The following MAP4 variants were observed in gnomAD, a reference collection of about 807,000 sequenced individuals.
MAP4 encodes microtubule associated protein 4.
In MAP4, 76 loss-of-function variants were observed where a neutral mutation model predicts 170.2. That is an observed-to-expected ratio of 0.45 (90% CI 0.37 to 0.54). MAP4 has a LOEUF of 0.54. Among genes scored for constraint, MAP4 ranks in the 20% least tolerant of loss-of-function variants. MAP4 has a pLI of 0.00. For synonymous variants in MAP4, 909 were observed against 994.5 expected (o/e 0.91, Z 1.62); for missense variants, 2,506 against 2,748.0 (o/e 0.91, Z 1.97).
chr3:47,988,240 T>G (rs1300020404), intron 2 of MAP4, among the ~76,000 whole-genome samples: 1 of 133,736 alleles, frequency 7.5e-6, no homozygotes, highest in African/African-American at 2.6e-5. Context: ...ATGAGATGGA[T>G]GTGAGATTCA....
At chr3:48,062,329 T>C (rs1200721801) in intron 1 of MAP4, among the ~76,000 whole-genome samples, 1 of 151,822 alleles carries the variant, frequency 6.6e-6, no homozygotes, top group Admixed American at 6.6e-5. Flanking sequence ...CACCACTCCC[T>C]AATCTCAAGT....
In MAP4 at chr3:47,866,809, TAAC is replaced by T. The variant is rs1425385203; in HGVS notation, c.6501+434_6501+436del. Among the ~76,000 whole-genome samples the T allele has an allele frequency of 2.0e-5, 3 of 152,228 alleles. No homozygotes were observed. The East Asian group carries it at 5.8e-4, about 29-fold the overall frequency. On this transcript the variant is annotated intron_variant, in intron 17 of 20. Coordinates refer to ENST00000683076, the MANE Select transcript of MAP4 (RefSeq NM_001385682.1). ...ATGTTGATTAATTCTTATTTTATAA[TAAC>T]AAGGATTCAAAGATGAGCTCTGGAA... is the stretch of plus-strand genomic sequence containing the variant.
chr3:47,935,769 T>G (rs2100052368), intron 3 of MAP4, among the ~76,000 whole-genome samples: 1 of 151,660 alleles, frequency 6.6e-6, no homozygotes, highest in Non-Finnish European at 1.5e-5. Context: ...AAACCCCATC[T>G]CTACTAAAAA....
At chr3:47,949,670 C>T (rs1050314099) in intron 3 of MAP4, among the ~76,000 whole-genome samples, 6 of 152,196 alleles carry the variant, frequency 3.9e-5, no homozygotes, top group Non-Finnish European at 8.8e-5. Context: ...CAATTTATTG[C>T]CTTTCAGTTC....
intron 1 of MAP4, among the ~76,000 whole-genome samples, chr3:48,074,786 C>T (rs2100143031): frequency 6.6e-6 from 1 of 150,486 alleles, no homozygotes; most frequent in African/African-American, 2.5e-5. Flanking sequence ...ACCTCAGCCT[C>T]CCAAAGTGCT....
At chr3:47,957,604 T>C (rs1248973752) in intron 3 of MAP4, among the ~76,000 whole-genome samples, 3 of 152,212 alleles carry the variant, frequency 2.0e-5, no homozygotes, top group East Asian at 3.8e-4. Context: ...TATGCCACCA[T>C]GCCAAGCCCA....
intron 1 of MAP4, among the ~76,000 whole-genome samples, chr3:48,026,577 A>C (rs2100113228): frequency 6.6e-6 from 1 of 152,212 alleles, no homozygotes; most frequent in African/African-American, 2.4e-5. Flanking sequence ...TTCTAGAAGA[A>C]TCTTAATCTT....
At chr3:48,005,322 C>T (rs2100101679) in intron 1 of MAP4, among the ~76,000 whole-genome samples, 1 of 94,604 alleles carries the variant, frequency 1.1e-5, no homozygotes, top group Non-Finnish European at 2.1e-5. Flanking sequence ...GATTGTGCCA[C>T]TGCACTCTAA....
At position 47,969,887 on chromosome 3, in the gene MAP4, T is replaced by C. The variant is rs367633479; in HGVS notation, c.292+7978A>G. Among the ~76,000 whole-genome samples, 13 of 148,928 alleles carry C rather than the reference T, an allele frequency of 8.7e-5. No homozygotes were observed. In the East Asian group the frequency reaches 2.0e-3, roughly 22 times the overall value. On this transcript the variant is annotated intron_variant, in intron 3 of 20. Transcript: ENST00000683076. Reference sequence around the variant, plus strand: ...AAAAAAAAAAAAGAGTCTTAAGCAATGAGAGATGGTAAATGGTGAATAAAT... The same window carrying C: ...AAAAAAAAAAAAGAGTCTTAAGCAACGAGAGATGGTAAATGGTGAATAAAT...
rs907023281 is a variant in MAP4, at chr3:47,851,535, T to C, written c.*1399A>G. ...CCCCTCCAGAGAAGCCCTTGGAATCTCCCAGGCCATTTCACTACAAACTTA... is the reference window on the plus strand; with the variant it reads ...CCCCTCCAGAGAAGCCCTTGGAATCCCCCAGGCCATTTCACTACAAACTTA... On this transcript the variant is annotated 3_prime_UTR_variant, in exon 21 of 21. Transcript: ENST00000683076. The C allele has an allele frequency of 1.3e-5, 2 of 152,242 alleles. No individual in the cohort carries two copies. The highest frequency in any genetic ancestry group is 4.8e-5 in the African/African-American group (2 of 41,458). 9.4% of individuals were successfully genotyped at this position (152,242 alleles called of 1,614,324 possible). A position where few individuals can be genotyped will look rare whatever the true frequency, so the allele number is the denominator to read the frequency against.
At chr3:47,893,027 A>AC (rs2100024878) in intron 10 of MAP4, among the ~76,000 whole-genome samples, 1 of 62,382 alleles carries the variant, frequency 1.6e-5, no homozygotes, top group Admixed American at 1.8e-4. Flanking sequence ...AAATTGGACT[A>AC]AAAAAAAAAA....
At chr3:48,001,736 A>T (rs1377002249) in intron 1 of MAP4, among the ~76,000 whole-genome samples, 2 of 152,064 alleles carry the variant, frequency 1.3e-5, no homozygotes, top group East Asian at 3.9e-4. Context: ...CTGACCTCAA[A>T]GTGATCCACC....
At chr3:47,912,536 C>T in intron 8 of MAP4, 115 bp from the exon 9 acceptor site, 1 of 866,596 alleles carries the variant, frequency 1.2e-6, no homozygotes, top group South Asian at 1.9e-5. Flanking sequence ...GCTATTTTCA[C>T]TAATACATAT....
chr3:48,053,028 C>A lies in MAP4; in HGVS notation c.-20+35745G>T, dbSNP rs142809723. Reference sequence around the variant, plus strand: ...ACCTTTAAAGAAACAGAAACTAAAACAACTCCAAATATTATATGCTTTTAC... The same window carrying A: ...ACCTTTAAAGAAACAGAAACTAAAAAAACTCCAAATATTATATGCTTTTAC... On this transcript the variant is annotated intron_variant, in intron 1 of 18. Transcript: ENST00000360240. Among the ~76,000 whole-genome samples the A allele has an allele frequency of 6.3e-3, 954 of 152,262 alleles. 12 individuals carry two copies. The highest frequency in any genetic ancestry group is 0.021 in the African/African-American group (887 of 41,548).
intron 17 of MAP4, among the ~76,000 whole-genome samples, chr3:47,866,153 A>G (rs1029084879): frequency 2.0e-5 from 3 of 152,144 alleles, no homozygotes; most frequent in African/African-American, 7.2e-5. Context: ...CCTGGCCAGC[A>G]TGATGAAACC....
intron 1 of MAP4, among the ~76,000 whole-genome samples, chr3:48,000,231 A>C: frequency 1.4e-5 from 1 of 70,942 alleles, no homozygotes. Flanking sequence ...CAAAAAAAAA[A>C]AAAAAAAAAA....
rs1296603929 is a variant in MAP4 at position 48,062,465 on chromosome 3, T to C, written c.-20+26308A>G. Among the ~76,000 whole-genome samples, 348 of 131,412 alleles carry C rather than the reference T, an allele frequency of 2.6e-3. 4 individuals are homozygous for C. The highest frequency in any genetic ancestry group is 9.5e-3 in the African/African-American group (324 of 33,940). 86.2% of individuals were successfully genotyped at this position (131,412 alleles called of 152,430 possible). On this transcript the variant is annotated intron_variant, in intron 1 of 18. Coordinates refer to the MAP4 transcript ENST00000360240. Reference sequence around the variant, plus strand: ...TGTCCTATGACCCTGCCAAATCCCCTTCTGCGAGAAACACCCAAGAATGAT... The same window carrying C: ...TGTCCTATGACCCTGCCAAATCCCCCTCTGCGAGAAACACCCAAGAATGAT...
chr3:47,921,332 T>A (rs2100042747), intron 5 of MAP4, among the ~76,000 whole-genome samples: 2 of 152,166 alleles, frequency 1.3e-5, no homozygotes, highest in African/African-American at 4.8e-5. Context: ...CACCAGAATA[T>A]GCCACCCCAA....
At chr3:48,068,437 T>C (rs1442165034) in intron 1 of MAP4, among the ~76,000 whole-genome samples, 2 of 152,180 alleles carry the variant, frequency 1.3e-5, no homozygotes, top group East Asian at 3.9e-4. Context: ...TCTCACTATG[T>C]TGTCCAGGTT....
Sources: allele counts gnomAD v4.1 joint callset (sites outside exome capture counted in the v4.1 genomes callset), GRCh38; gene constraint gnomAD v4.1.1; transcripts MANE v1.5; gene names NCBI Gene and HGNC (gene_info 2026-07-23, HGNC 2026-07-21).